Variants in CCDC80 observed in about 807,000 individuals in gnomAD.
The protein encoded by CCDC80 is coiled-coil domain containing 80.
In CCDC80, 49 loss-of-function variants were observed where a neutral mutation model predicts 78.7. The observed-to-expected ratio is 0.62, with a 90% confidence interval of 0.50 to 0.79. CCDC80 has a LOEUF of 0.79. CCDC80 is among the 30% of genes least tolerant of loss of function. CCDC80 has a pLI of 0.00. For synonymous variants in CCDC80, 488 were observed against 447.0 expected (o/e 1.09, Z -1.16); for missense variants, 1,205 against 1,198.6 (o/e 1.01, Z -0.08).
At position 112,619,110 on chromosome 3, in the gene CCDC80, G is replaced by A. The variant is rs1199926309; in HGVS notation, c.2036-6C>T. On this transcript the variant is annotated splice_polypyrimidine_tract_variant and splice_region_variant and intron_variant, in intron 3 of 7. Coordinates refer to ENST00000206423, the MANE Select transcript of CCDC80 (RefSeq NM_199511.3). The stretch of plus-strand genomic sequence containing the variant: ...TCGCATGGGCTTCTCATTATCTTAA[G>A]GGAAATAAAATGTGAATGAATATGG... The A allele has an allele frequency of 6.4e-7, 1 of 1,564,572 alleles. No individual in the cohort carries two copies. Among genetic ancestry groups the A allele is most frequent in the South Asian group, 1.2e-5 (1 of 82,672 alleles).
At chr3:112,634,138 G>C (rs918986884) in intron 2 of CCDC80, among the ~76,000 whole-genome samples, 1 of 76,778 alleles carries the variant, frequency 1.3e-5, no homozygotes, top group Non-Finnish European at 5.0e-5. Flanking sequence ...CAAAATGCTA[G>C]ATTTTTTTTT....
At chr3:112,621,549 G>T (rs1179761147) in intron 3 of CCDC80, among the ~76,000 whole-genome samples, 1 of 152,160 alleles carries the variant, frequency 6.6e-6, no homozygotes, top group African/African-American at 2.4e-5. Context: ...TGCCACTAAG[G>T]TTTGTGGTCT....
In CCDC80 at chr3:112,603,822, G is replaced by A. The variant is rs1021168647; in HGVS notation, c.*1595C>T. The A allele has an allele frequency of 6.6e-6, 1 of 152,076 alleles. No individual in the cohort carries two copies. Among genetic ancestry groups the A allele is most frequent in the Non-Finnish European group, 1.5e-5 (1 of 68,040 alleles). 9.4% of individuals were successfully genotyped at this position (152,076 alleles called of 1,614,324 possible). On this transcript the variant is annotated 3_prime_UTR_variant, in exon 8 of 8. Coordinates refer to ENST00000206423, the MANE Select transcript of CCDC80 (RefSeq NM_199511.3). ...GCAAAGCAAATTAAAAACCTGGAAA[G>A]GATTCACCATTCTAGATGCTGTTAA...
intron 7 of CCDC80, among the ~76,000 whole-genome samples, chr3:112,606,019 C>A (rs1412815732): frequency 6.6e-6 from 1 of 152,198 alleles, no homozygotes; most frequent in Non-Finnish European, 1.5e-5. Flanking sequence ...AGTATAAAAC[C>A]AATTCCTTAA....
intron 6 of CCDC80, 105 bp from the exon 7 acceptor site, chr3:112,607,361 G>C (rs2107470069): frequency 1.3e-6 from 1 of 767,302 alleles, no homozygotes. Flanking sequence ...AATTTAAAAA[G>C]AATATAGAGC....
At chr3:112,606,614 C>T (rs1441380440) in intron 7 of CCDC80, among the ~76,000 whole-genome samples, 2 of 146,160 alleles carry the variant, frequency 1.4e-5, no homozygotes, top group Non-Finnish European at 1.5e-5. Context: ...TTAGTAGAGA[C>T]GGATTTTACC....
At position 112,638,306 on chromosome 3, in the gene CCDC80, C is replaced by T; in HGVS notation, c.1600G>A (p.Ala534Thr). The change falls in exon 2 of 8, where the codon GCA becomes ACA. Residue 534 changes from alanine (A) to threonine (T), a missense_variant. Coordinates refer to ENST00000206423, the MANE Select transcript of CCDC80 (RefSeq NM_199511.3). ...TTTTCATGCTTTTTAGACTCCTTTG[C>T]TTTTTTAAGGGGAACATTCCCCACC... ...LQVGNVPLKK[A>T]KESKKHEKLE... The T allele has an allele frequency of 1.2e-6, 2 of 1,613,982 alleles. No homozygotes were observed. Among genetic ancestry groups the T allele is most frequent in the African/African-American group, 1.3e-5 (1 of 74,984 alleles).
rs1008993079 is a variant in CCDC80 at position 112,598,498 on chromosome 3, G to A, written c.*6919C>T. On this transcript the variant is annotated 3_prime_UTR_variant, in exon 8 of 8. Transcript: ENST00000206423. ...TTGCAGAGGAGAAAAGCCAAAGAAC[G>A]TTTGCCCATGGGCAGTCTTAGCTAT... The A allele has an allele frequency of 2.6e-5, 4 of 152,350 alleles. No individual in the cohort carries two copies. The highest frequency in any genetic ancestry group is 2.0e-4 in the Admixed American group (3 of 15,274). The allele number at this position is 152,350 out of a possible 1,614,324, so 9.4% of individuals were successfully genotyped here.
rs369360774 is a variant in CCDC80, at chr3:112,639,312, G to T, written c.594C>A (p.Gly198=). The T allele has an allele frequency of 8.7e-6, 14 of 1,614,026 alleles. No individual in the cohort carries two copies. In the East Asian group the frequency reaches 1.3e-4, roughly 15 times the overall value. The change falls in exon 2 of 8, where the codon GGC becomes GGA. Residue 198 remains glycine, a synonymous_variant. Transcript: ENST00000206423. ...VLFHQAGEEG[G]KVRRITSEGQ... ...CCTCGCTGGTGATCCTTCTCACCTT[G>T]CCTCCTTCCTCACCTGCCTGGTGGA...
rs1935381270 is a variant in CCDC80, at chr3:112,601,781, T to A, written c.*3636A>T. On this transcript the variant is annotated 3_prime_UTR_variant, in exon 8 of 8. Transcript: ENST00000206423. ...TATGCCATATGATTGAAACAAATGC[T>A]CTTTTTTCAAAGACAAGGATTATAC... 6.6e-6 allele frequency: 1 copy of A among 152,118 alleles called. No individual in the cohort carries two copies. Among genetic ancestry groups the A allele is most frequent in the Non-Finnish European group, 1.5e-5 (1 of 68,038 alleles). The allele number at this position is 152,118 out of a possible 1,614,324, so 9.4% of individuals were successfully genotyped here.
chr3:112,633,142 A>T (rs1199177859), intron 2 of CCDC80, among the ~76,000 whole-genome samples: 1 of 152,188 alleles, frequency 6.6e-6, no homozygotes, highest in Non-Finnish European at 1.5e-5. Flanking sequence ...AAAAGTAAAT[A>T]TATCTGTATA....
In CCDC80 at chr3:112,600,397, C is replaced by CT. The variant is rs1225254554; in HGVS notation, c.*5019dup. 9 of 152,148 alleles carry CT rather than the reference C, an allele frequency of 5.9e-5. No individual in the cohort carries two copies. Among genetic ancestry groups the CT allele is most frequent in the African/African-American group, 2.2e-4 (9 of 41,422 alleles). The allele number at this position is 152,148 out of a possible 1,614,324, so 9.4% of individuals were successfully genotyped here. On this transcript the variant is annotated 3_prime_UTR_variant, in exon 8 of 8. Transcript: ENST00000206423. ...AGTAATCTCAGGTTGTAAAAAAGAACTATCTTTTTTTGGTTGCAGGAGCTA... is the reference window on the plus strand; with the variant it reads ...AGTAATCTCAGGTTGTAAAAAAGAACTTATCTTTTTTTGGTTGCAGGAGCTA...
At chr3:112,629,995 C>G in intron 3 of CCDC80, 118 bp downstream of exon 3, 1 of 912,904 alleles carries the variant, frequency 1.1e-6, no homozygotes, top group Non-Finnish European at 1.7e-6. Flanking sequence ...TTATCACAAC[C>G]AAAGAGCCCT....
At chr3:112,619,574 A>G (rs1935821141) in intron 3 of CCDC80, among the ~76,000 whole-genome samples, 1 of 152,210 alleles carries the variant, frequency 6.6e-6, no homozygotes, top group Non-Finnish European at 1.5e-5. Context: ...CCCAGTAAGC[A>G]TGTCATATCT....
At chr3:112,628,225 G>A (rs1293462385) in intron 3 of CCDC80, among the ~76,000 whole-genome samples, 1 of 152,142 alleles carries the variant, frequency 6.6e-6, no homozygotes, top group African/African-American at 2.4e-5. Context: ...GAAAAATCCA[G>A]GAAACAAATG....
intron 7 of CCDC80, 57 bp downstream of exon 7, chr3:112,607,119 T>C: frequency 7.7e-7 from 1 of 1,297,718 alleles, no homozygotes; most frequent in Non-Finnish European, 1.1e-6. Flanking sequence ...TATAACTTAA[T>C]GTAATTTAAC....
At position 112,602,197 on chromosome 3, in the gene CCDC80, A is replaced by G. The variant is rs1180283504; in HGVS notation, c.*3220T>C. 6.6e-6 allele frequency: 1 copy of G among 152,230 alleles called. No homozygotes were observed. Among genetic ancestry groups the G allele is most frequent in the African/African-American group, 2.4e-5 (1 of 41,462 alleles). The allele number at this position is 152,230 out of a possible 1,614,324, so 9.4% of individuals were successfully genotyped here. On this transcript the variant is annotated 3_prime_UTR_variant, in exon 8 of 8. Coordinates refer to ENST00000206423, the MANE Select transcript of CCDC80 (RefSeq NM_199511.3). ...TATTATAATTACTGGGGGCACCATG[A>G]ACCACACTTATATAACACAGTAAAC...
rs201190794 is a variant in CCDC80, at chr3:112,638,574, A to C, written c.1332T>G (p.Asn444Lys). The change falls in exon 2 of 8, where the codon AAT becomes AAG. Residue 444 changes from asparagine to lysine, a missense_variant. Asn to Lys is a moderately conservative substitution (Grantham distance 94). Transcript: ENST00000206423. ...SKATSLESFT[N>K]APPTTISEPS... is the part of the protein sequence containing the mutation. Reference sequence around the variant, plus strand: ...GTTCTGAGATGGTGGTGGGAGGGGCATTTGTGAAGCTCTCCAAGCTGGTGG... The same window carrying C: ...GTTCTGAGATGGTGGTGGGAGGGGCCTTTGTGAAGCTCTCCAAGCTGGTGG... 13 of 1,613,622 alleles carry C rather than the reference A, an allele frequency of 8.1e-6. No individual in the cohort carries two copies.
Position 112,638,106 on chromosome 3 carries a change from G to T in CCDC80, c.1800C>A (p.Thr600=), listed in dbSNP as rs372832945. Residue 600 remains threonine (T), a synonymous_variant, in exon 2 of 8, where the codon ACC becomes ACA. Transcript: ENST00000206423. Reference sequence around the variant, plus strand: ...TGGGACTCTGCGTGAAGTGTTTGTTGGTGGGTTTCTGATAGCCATCCTGTT... The same window carrying T: ...TGGGACTCTGCGTGAAGTGTTTGTTTGTGGGTTTCTGATAGCCATCCTGTT... The part of the protein sequence containing the change: ...KTEQDGYQKP[T]NKHFTQSPKK... 8.2e-5 allele frequency: 132 copies of T among 1,613,966 alleles called. No individual in the cohort carries two copies. Among genetic ancestry groups the T allele is most frequent in the Middle Eastern group, 1.6e-4 (1 of 6,084 alleles).
Sources: allele counts gnomAD v4.1 joint callset (sites outside exome capture counted in the v4.1 genomes callset), GRCh38; gene constraint gnomAD v4.1.1; transcripts MANE v1.5; gene names NCBI Gene and HGNC (gene_info 2026-07-23, HGNC 2026-07-21).